Variants in AEBP1 observed in about 807,000 individuals in gnomAD.
AEBP1 encodes adipocyte enhancer-binding protein 1.
Under a neutral mutation model 116.5 loss-of-function variants are expected in AEBP1, and 69 were observed. The observed-to-expected ratio is 0.59, with a 90% CI of 0.49 to 0.72. The LOEUF (loss-of-function observed/expected upper bound fraction) is 0.72, where lower values mean the gene tolerates loss of function less well. AEBP1 is among the 30% of genes least tolerant of loss of function. The pLI is 0.00. For missense variants in AEBP1, 1,444 were observed against 1,557.5 expected, an observed-to-expected ratio of 0.93 and a Z score of 1.23; for synonymous variants, 627 against 627.3, an observed-to-expected ratio of 1.00 and a Z score of 0.01.
In AEBP1 at chr7:44,111,115, G is replaced by T. The variant is rs2096228893; in HGVS notation, c.1631-39G>T. 1.3e-6 allele frequency: 2 copies of T among 1,579,366 alleles called. No individual in the cohort carries two copies. The highest frequency in any genetic ancestry group is 1.7e-4 in the Middle Eastern group (1 of 5,888). On this transcript the variant is annotated intron_variant, in intron 13 of 20. Coordinates refer to ENST00000223357, the MANE Select transcript of AEBP1 (RefSeq NM_001129.5). The surrounding 1 kb of genome is among the most constrained non-coding windows in gnomAD (Gnocchi z 4.7). Reference sequence around the variant, plus strand: ...GGAGGTGGGGTGCTAGGGTGGGCCAGCCGGCACCCAGCTAAAGACAACCCC... The same window carrying T: ...GGAGGTGGGGTGCTAGGGTGGGCCATCCGGCACCCAGCTAAAGACAACCCC...
At position 44,106,543 on chromosome 7, in the gene AEBP1, C is replaced by T. The variant is rs1458610375; in HGVS notation, c.254-3C>T. Reference sequence around the variant, plus strand: ...ATTTGACACGAGTCTGCATCTTGGACAGTGCCTCCGGAAAAGACCAAAGAC... The same window carrying T: ...ATTTGACACGAGTCTGCATCTTGGATAGTGCCTCCGGAAAAGACCAAAGAC... On this transcript the variant is annotated splice_region_variant and splice_polypyrimidine_tract_variant and intron_variant, in intron 1 of 20. Transcript: ENST00000223357. The T allele has an allele frequency of 1.9e-6, 3 of 1,588,164 alleles. No homozygotes were observed. Among genetic ancestry groups the T allele is most frequent in the Non-Finnish European group, 2.6e-6 (3 of 1,170,424 alleles).
Position 44,109,318 on chromosome 7 carries a change from A to G in AEBP1, c.1127A>G (p.Glu376Gly). The G allele has an allele frequency of 6.7e-7, 1 of 1,483,974 alleles. No individual in the cohort carries two copies. Among genetic ancestry groups the G allele is most frequent in the African/African-American group, 1.5e-5 (1 of 64,564 alleles). 91.9% of individuals were successfully genotyped at this position (1,483,974 alleles called of 1,614,324 possible). A position where few individuals can be genotyped will look rare whatever the true frequency, so the allele number is the denominator to read the frequency against. Residue 376 changes from glutamate to glycine, a missense_variant, in exon 9 of 21, where the codon GAG becomes GGG. Glu to Gly is a moderately conservative substitution (Grantham distance 98). Coordinates refer to ENST00000223357, the MANE Select transcript of AEBP1 (RefSeq NM_001129.5). ...CGAAAGGGCGAGGAGTTGGAGGAGG[A>G]GTGGACGCCTACGGAGAAAGTCAGT... ...EPRKGEELEE[E>G]WTPTEKVKCP...
At chr7:44,106,414 C>A (rs1332256258) in intron 1 of AEBP1, 132 bp from the exon 2 acceptor site, 4 of 1,035,548 alleles carry the variant, frequency 3.9e-6, no homozygotes, top group East Asian at 2.6e-5. Context: ...AATGACTTAA[C>A]CTCTCAGTTT....
rs770206330 is a variant in AEBP1 at position 44,107,592 on chromosome 7, T to G, written c.668-37T>G. 2.5e-6 allele frequency: 4 copies of G among 1,613,078 alleles called. No homozygotes were observed. The Admixed American group carries it at 6.7e-5, about 27-fold the overall frequency. ...AGGGCTTCCCCAGAGTAGGCCTGGG[T>G]GGGGTTGTCAGGCAGCTACCAGCGC... On this transcript the variant is annotated intron_variant, in intron 3 of 20. Transcript: ENST00000223357. The surrounding 1 kb of genome is among the most constrained non-coding windows in gnomAD (Gnocchi z 4.3).
At chr7:44,104,946 TG>T in intron 1 of AEBP1, 28 bp downstream of exon 1, 3 of 1,465,132 alleles carry the variant, frequency 2.0e-6, no homozygotes, top group Non-Finnish European at 2.7e-6. Flanking sequence ...GGCGGGGGTG[TG>T]GGGGGCTGGC....
rs761155756 is a variant in AEBP1 at position 44,114,163 on chromosome 7, GAAGAGGAGGAGGAGGAGA to G, written c.3391_3408del (p.Glu1131_Glu1136del). Reference sequence around the variant, plus strand: ...GACCCAGCTGGAACCCGAGTTTGAGGAAGAGGAGGAGGAGGAGAAAGAGGAGGAGATAGCCACTGGCCA... The same window carrying G: ...GACCCAGCTGGAACCCGAGTTTGAGGAAGAGGAGGAGATAGCCACTGGCCA... On this transcript the variant is annotated inframe_deletion, in exon 21 of 21. Transcript: ENST00000223357. 7 of 1,614,082 alleles carry G rather than the reference GAAGAGGAGGAGGAGGAGA, an allele frequency of 4.3e-6. No individual in the cohort carries two copies. Among genetic ancestry groups the G allele is most frequent in the East Asian group, 2.2e-5 (1 of 44,878 alleles).
chr7:44,113,264 A>G lies in AEBP1; in HGVS notation c.2722A>G (p.Ile908Val). The change falls in exon 20 of 21, where the codon ATT becomes GTT. Residue 908 changes from isoleucine to valine, a missense_variant. Transcript: ENST00000223357. The surrounding 1 kb of genome is among the most constrained non-coding windows in gnomAD (Gnocchi z 5.3). ...CCTGCTTCCCTAGGTGCACCGCGGC[A>G]TTAAGGGGGTGGTGACGGACGAGCA... ...LTFMEQVHRGIKGVVTDEQGI... is the reference protein window; with the variant it reads ...LTFMEQVHRGVKGVVTDEQGI... 6.2e-7 allele frequency: 1 copy of G among 1,613,788 alleles called. No homozygotes were observed. The highest frequency in any genetic ancestry group is 8.5e-7 in the Non-Finnish European group (1 of 1,179,912).
In AEBP1 at chr7:44,113,578, C is replaced by T. The variant is rs1324365505; in HGVS notation, c.2810-16C>T. 2 of 1,599,690 alleles carry T rather than the reference C, an allele frequency of 1.3e-6. No homozygotes were observed. The highest frequency in any genetic ancestry group is 2.2e-5 in the South Asian group (2 of 90,442). ...GAGGGGCGCTCTGGGGCAGCCGGATCGTTCTCCCTCCGCAGCCAGTGGTGG... is the reference window on the plus strand; with the variant it reads ...GAGGGGCGCTCTGGGGCAGCCGGATTGTTCTCCCTCCGCAGCCAGTGGTGG... On this transcript the variant is annotated splice_polypyrimidine_tract_variant and intron_variant, in intron 20 of 20. Coordinates refer to ENST00000223357, the MANE Select transcript of AEBP1 (RefSeq NM_001129.5). The surrounding 1 kb of genome is among the most constrained non-coding windows in gnomAD (Gnocchi z 5.3).
In AEBP1 at chr7:44,112,956, G is replaced by A; in HGVS notation, c.2570-35G>A. ...TGTGGGCGGGGCCTGGTCCGGAGAG[G>A]GGCTGACTTTGGGTCTGTATCTGTC... On this transcript the variant is annotated intron_variant, in intron 18 of 20. Transcript: ENST00000223357. The surrounding 1 kb of genome is among the most constrained non-coding windows in gnomAD (Gnocchi z 6.6). 1 of 1,613,056 alleles carries A rather than the reference G, an allele frequency of 6.2e-7. No individual in the cohort carries two copies. The highest frequency in any genetic ancestry group is 8.5e-7 in the Non-Finnish European group (1 of 1,179,548).
At position 44,111,646 on chromosome 7, in the gene AEBP1, G is replaced by T. The variant is rs1209203732; in HGVS notation, c.1840+16G>T. 35 of 1,609,806 alleles carry T rather than the reference G, an allele frequency of 2.2e-5. No individual in the cohort carries two copies. The highest frequency in any genetic ancestry group is 3.0e-5 in the Non-Finnish European group (35 of 1,178,858). ...CATGAACTGGGTGAGGGTCTGTGGGGGCCAGCAGCTGGCCTCTGCTGCTGA... is the reference window on the plus strand; with the variant it reads ...CATGAACTGGGTGAGGGTCTGTGGGTGCCAGCAGCTGGCCTCTGCTGCTGA... On this transcript the variant is annotated intron_variant, in intron 15 of 20. Transcript: ENST00000223357. This position sits in a 1 kb window ranked among gnomAD's most constrained non-coding sequence, Gnocchi z 4.7.
chr7:44,110,613 C>T, intron 11 of AEBP1, 112 bp from the exon 12 acceptor site: 1 of 1,100,722 alleles, frequency 9.1e-7, no homozygotes, highest in Non-Finnish European at 1.3e-6. Flanking sequence ...CTGGGCCGTG[C>T]AGCACCACCC....
rs574188983 is a variant in AEBP1 at position 44,107,821 on chromosome 7, G to A, written c.752G>A (p.Arg251Gln). Residue 251 changes from arginine to glutamine, a missense_variant, in exon 5 of 21, where the codon CGG (arginine) becomes CAG (glutamine). Arg to Gln is a conservative substitution (Grantham distance 43). Transcript: ENST00000223357. The surrounding 1 kb of genome is among the most constrained non-coding windows in gnomAD (Gnocchi z 4.3). ...REDYEDFEYI[R>Q]RQKQPRPPPS... ...GCCTCCCCCTCAGTTGAGTACATTC[G>A]GCGCCAGAAGCAACCCAGGCCACCC... is the stretch of plus-strand genomic sequence containing the variant. 1.2e-5 allele frequency: 19 copies of A among 1,611,756 alleles called. No homozygotes were observed. The East Asian group carries it at 2.5e-4, about 21-fold the overall frequency.
At chr7:44,110,437 T>C in intron 11 of AEBP1, 91 bp downstream of exon 11, 1 of 1,568,736 alleles carries the variant, frequency 6.4e-7, no homozygotes, top group Non-Finnish European at 8.7e-7. Flanking sequence ...AGTGGGCCCT[T>C]CTTTGGCCCA....
chr7:44,114,305 AG>A lies in AEBP1; in HGVS notation c.*45del, dbSNP rs2096234361. 6.2e-7 allele frequency: 1 copy of A among 1,602,942 alleles called. No individual in the cohort carries two copies. Among genetic ancestry groups the A allele is most frequent in the Non-Finnish European group, 8.5e-7 (1 of 1,171,758 alleles). On this transcript the variant is annotated 3_prime_UTR_variant, in exon 21 of 21. Transcript: ENST00000223357. Reference sequence around the variant, plus strand: ...ACCCCAGCCCAACTCAAGCTACAGCAGCAGCACTTCCCAAGCCTGCTGACCA... The same window carrying A: ...ACCCCAGCCCAACTCAAGCTACAGCACAGCACTTCCCAAGCCTGCTGACCA...
In AEBP1 at chr7:44,112,667, C is replaced by T. The variant is rs144799697; in HGVS notation, c.2327C>T (p.Ala776Val). The T allele has an allele frequency of 2.0e-3, 3,272 of 1,613,262 alleles. 7 individuals are homozygous for T. Among genetic ancestry groups the T allele is most frequent in the Middle Eastern group, 2.5e-3 (15 of 6,052 alleles). Reference sequence around the variant, plus strand: ...CTAGTATCCTACCCCTACGATATGGCCCGCACGCCTACCCAGGAGCAGCTG... The same window carrying T: ...CTAGTATCCTACCCCTACGATATGGTCCGCACGCCTACCCAGGAGCAGCTG... ...ERLVSYPYDMARTPTQEQLLA... is the reference protein window; with the variant it reads ...ERLVSYPYDMVRTPTQEQLLA... The change falls in exon 18 of 21, where the codon GCC (alanine) becomes GTC (valine). Residue 776 changes from alanine (A) to valine (V), a missense_variant. Ala to Val is a moderately conservative substitution (Grantham distance 64). Coordinates refer to ENST00000223357, the MANE Select transcript of AEBP1 (RefSeq NM_001129.5). This position sits in a 1 kb window ranked among gnomAD's most constrained non-coding sequence, Gnocchi z 6.6.
intron 9 of AEBP1, chr7:44,109,569 G>T (rs1288390644): frequency 3.3e-6 from 2 of 600,406 alleles, no homozygotes; most frequent in Non-Finnish European, 5.8e-6. Flanking sequence ...GCTCCCCAGG[G>T]CCCCTAGTGG....
At position 44,108,263 on chromosome 7, in the gene AEBP1, C is replaced by A. The variant is rs2096225233; in HGVS notation, c.940+179C>A. On this transcript the variant is annotated intron_variant, in intron 6 of 20. Coordinates refer to ENST00000223357, the MANE Select transcript of AEBP1 (RefSeq NM_001129.5). The surrounding 1 kb of genome is among the most constrained non-coding windows in gnomAD (Gnocchi z 5.0). ...CCCAGCCACTGCCCTGTCTCCTCTG[C>A]CCTCAGGCTGGTCTTTCCTTGGCCG... Among the ~76,000 whole-genome samples the A allele has an allele frequency of 1.3e-5, 2 of 152,092 alleles. No individual in the cohort carries two copies. Among genetic ancestry groups the A allele is most frequent in the Non-Finnish European group, 2.9e-5 (2 of 68,014 alleles).
chr7:44,106,897 G>T lies in AEBP1; in HGVS notation c.595+10G>T. The T allele has an allele frequency of 6.5e-7, 1 of 1,533,484 alleles. No homozygotes were observed. The highest frequency in any genetic ancestry group is 2.4e-5 in the East Asian group (1 of 42,138). 95.0% of individuals were successfully genotyped at this position (1,533,484 alleles called of 1,614,324 possible). The stretch of plus-strand genomic sequence containing the variant: ...CTACCCCAGGAGGGAGGTTTGTGCC[G>T]GGCTCCTCTGGGGTGATGGGGCTCT... On this transcript the variant is annotated intron_variant, in intron 2 of 20. Coordinates refer to ENST00000223357, the MANE Select transcript of AEBP1 (RefSeq NM_001129.5).
In AEBP1 at chr7:44,109,320, T is replaced by G. The variant is rs2096226367; in HGVS notation, c.1129T>G (p.Trp377Gly). Residue 377 changes from tryptophan to glycine, a missense_variant, in exon 9 of 21, where the codon TGG becomes GGG. Physicochemically the swap from Trp to Gly is radical, Grantham distance 184 (BLOSUM62 -2). Transcript: ENST00000223357. ...PRKGEELEEE[W>G]TPTEKVKCPP... Reference sequence around the variant, plus strand: ...AAAGGGCGAGGAGTTGGAGGAGGAGTGGACGCCTACGGAGAAAGTCAGTAA... The same window carrying G: ...AAAGGGCGAGGAGTTGGAGGAGGAGGGGACGCCTACGGAGAAAGTCAGTAA... 2.1e-6 allele frequency: 3 copies of G among 1,398,788 alleles called. No individual in the cohort carries two copies. The highest frequency in any genetic ancestry group is 1.7e-5 in the African/African-American group (1 of 59,418). The allele number at this position is 1,398,788 out of a possible 1,614,324, so 86.6% of individuals were successfully genotyped here.
Sources: allele counts gnomAD v4.1 joint callset (sites outside exome capture counted in the v4.1 genomes callset), GRCh38; gene constraint gnomAD v4.1.1; non-coding constraint Gnocchi (gnomAD v3.1); transcripts MANE v1.5; gene names NCBI Gene and HGNC (gene_info 2026-07-23, HGNC 2026-07-21).